RHOU: variants seen among roughly 807,000 people sequenced by gnomAD.
RHOU encodes the protein ras homolog family member U, also known as rho-related GTP-binding protein RhoU.
Under a neutral mutation model 12.6 loss-of-function variants are expected in RHOU, and 8 were observed. That is an observed-to-expected ratio of 0.64 (90% CI 0.37 to 1.15). The LOEUF is 1.15. Among genes scored for constraint, RHOU ranks in the 50% most tolerant of loss-of-function variants. The pLI is 0.01. For synonymous variants in RHOU, 161 were observed against 147.4 expected (o/e 1.09, Z -0.67); for missense variants, 258 against 347.0 (o/e 0.74, Z 2.04).
chr1:228,742,630 C>T (rs1202774184), intron 2 of RHOU, among the ~76,000 whole-genome samples: 1 of 152,180 alleles, frequency 6.6e-6, no homozygotes, highest in Non-Finnish European at 1.5e-5. Flanking sequence ...CACTGAGCTG[C>T]AAAAGTTTTC....
the RHOU span, among the ~76,000 whole-genome samples, chr1:228,722,150 G>T: frequency 6.6e-6 from 1 of 152,216 alleles, no homozygotes; most frequent in Non-Finnish European, 1.5e-5. Flanking sequence ...GGGGTACATG[G>T]CTAACTGTGG....
chr1:228,733,560 GC>G (rs534566197), upstream of RHOU, among the ~76,000 whole-genome samples: 1 of 152,196 alleles, frequency 6.6e-6, no homozygotes, highest in African/African-American at 2.4e-5. Flanking sequence ...GACTGCTTCA[GC>G]CCCCCAAAGT....
At chr1:228,674,594 C>T in the RHOU span, among the ~76,000 whole-genome samples, 1 of 151,948 alleles carries the variant, frequency 6.6e-6, no homozygotes, top group African/African-American at 2.4e-5. Context: ...GATCTGCTTC[C>T]CTCGGCCCCC....
chr1:228,678,315 A>G, the RHOU span, among the ~76,000 whole-genome samples: 1 of 152,190 alleles, frequency 6.6e-6, no homozygotes, highest in Non-Finnish European at 1.5e-5. Flanking sequence ...TGGTCCAAGA[A>G]CCATTTGCCT....
the RHOU span, among the ~76,000 whole-genome samples, chr1:228,729,630 T>A: frequency 6.6e-6 from 1 of 152,250 alleles, no homozygotes; most frequent in African/African-American, 2.4e-5. Flanking sequence ...AGCTACTAAA[T>A]CTGCTGTGAA....
At chr1:228,670,595 C>A in the RHOU span, among the ~76,000 whole-genome samples, 210 of 152,332 alleles carry the variant, frequency 1.4e-3, no homozygotes, top group Non-Finnish European at 2.3e-3. Flanking sequence ...TCTTCTGGAA[C>A]GTTCTATGAT....
In RHOU at chr1:228,737,151, T is replaced by A. The variant is rs563223723; in HGVS notation, c.263-522T>A. ...TTTTAATCCTCCTTTTGACCTGACA[T>A]AGAGATAAGGAGTGCCCTCATTTCT... On this transcript the variant is annotated intron_variant, in intron 1 of 2. Coordinates refer to ENST00000366691, the MANE Select transcript of RHOU (RefSeq NM_021205.6). The surrounding 1 kb of genome is among the most constrained non-coding windows in gnomAD (Gnocchi z 4.1). 5.3e-5 allele frequency among the ~76,000 whole-genome samples: 8 copies of A among 152,046 alleles called. No individual in the cohort carries two copies. Among genetic ancestry groups the A allele is most frequent in the Admixed American group, 6.5e-5 (1 of 15,278 alleles).
chr1:228,651,262 C>T, the RHOU span: 223 of 195,270 alleles, frequency 1.1e-3, no homozygotes, highest in African/African-American at 5.2e-3. Flanking sequence ...AGACATTTAG[C>T]CCTGACTTGA....
the RHOU span, among the ~76,000 whole-genome samples, chr1:228,708,127 G>A: frequency 2.0e-5 from 3 of 152,114 alleles, no homozygotes; most frequent in East Asian, 1.9e-4. Flanking sequence ...AAAAAGAAAC[G>A]AGCAAAGCGT....
the RHOU span, among the ~76,000 whole-genome samples, chr1:228,647,063 G>A: frequency 6.6e-6 from 1 of 152,180 alleles, no homozygotes; most frequent in African/African-American, 2.4e-5. Context: ...GAGCGAGAAC[G>A]TTTGAGCCTT....
the RHOU span, among the ~76,000 whole-genome samples, chr1:228,706,633 A>T: frequency 4.6e-5 from 7 of 152,298 alleles, no homozygotes; most frequent in Admixed American, 2.0e-4. Flanking sequence ...CTTTAGGCTG[A>T]ACTTAATTTT....
At chr1:228,733,236 T>C (rs985538703), upstream of RHOU, among the ~76,000 whole-genome samples, 2 of 152,258 alleles carry the variant, frequency 1.3e-5, no homozygotes, top group Admixed American at 6.5e-5. Context: ...GGTACATTTC[T>C]GACAGCAGAC....
chr1:228,683,649 A>G, the RHOU span, among the ~76,000 whole-genome samples: 1 of 152,266 alleles, frequency 6.6e-6, no homozygotes, highest in Non-Finnish European at 1.5e-5. Context: ...AAAAATTTCT[A>G]TAACAAGGAC....
At chr1:228,687,870 G>C in the RHOU span, 1 of 967,040 alleles carries the variant, frequency 1.0e-6, no homozygotes, top group East Asian at 2.4e-5. Context: ...TGACTTCCCT[G>C]GTCACCAAGA....
the RHOU span, among the ~76,000 whole-genome samples, chr1:228,667,261 A>C: frequency 7.2e-5 from 11 of 152,228 alleles, no homozygotes. Flanking sequence ...TAAATAACAG[A>C]AGACATAAAA....
At chr1:228,651,866 G>C in the RHOU span, among the ~76,000 whole-genome samples, 28 of 152,326 alleles carry the variant, frequency 1.8e-4, no homozygotes, top group African/African-American at 6.3e-4. Context: ...AGTCAGGAAA[G>C]TAACCCTACA....
At chr1:228,691,014 G>T in the RHOU span, among the ~76,000 whole-genome samples, 39 of 152,090 alleles carry the variant, frequency 2.6e-4, no homozygotes, top group Non-Finnish European at 4.6e-4. Context: ...GGGAGGAAAC[G>T]ACTTAACTCA....
Position 228,738,878 on chromosome 1 carries a change from A to T in RHOU, c.321+1147A>T, listed in dbSNP as rs960111235. On this transcript the variant is annotated intron_variant, in intron 2 of 2. Coordinates refer to ENST00000366691, the MANE Select transcript of RHOU (RefSeq NM_021205.6). The surrounding 1 kb of genome is among the most constrained non-coding windows in gnomAD (Gnocchi z 4.2). ...GGTGTGGTGGCTCATGCTCTTTGGGAGGCTGAGGTGGGAGGATTGCATGAG... is the reference window on the plus strand; with the variant it reads ...GGTGTGGTGGCTCATGCTCTTTGGGTGGCTGAGGTGGGAGGATTGCATGAG... Among the ~76,000 whole-genome samples, 1 of 151,966 alleles carries T rather than the reference A, an allele frequency of 6.6e-6. No individual in the cohort carries two copies. Among genetic ancestry groups the T allele is most frequent in the African/African-American group, 2.4e-5 (1 of 41,378 alleles).
Position 228,745,608 on chromosome 1 carries a change from TCG to T in RHOU, c.*1869_*1870del, listed in dbSNP as rs1662815979. On this transcript the variant is annotated 3_prime_UTR_variant, in exon 3 of 3. Coordinates refer to ENST00000366691, the MANE Select transcript of RHOU (RefSeq NM_021205.6). ...ATTATTCAACACATTGGAATTGATG[TCG>T]GTCATAGTTTCCTGAAGCATTTAGT... The T allele has an allele frequency of 2.6e-5, 4 of 152,356 alleles. No homozygotes were observed. The East Asian group carries it at 7.7e-4, about 29-fold the overall frequency. 9.4% of individuals were successfully genotyped at this position (152,356 alleles called of 1,614,324 possible). A position where few individuals can be genotyped will look rare whatever the true frequency, so the allele number is the denominator to read the frequency against.
Sources: allele counts gnomAD v4.1 joint callset (sites outside exome capture counted in the v4.1 genomes callset), GRCh38; gene constraint gnomAD v4.1.1; non-coding constraint Gnocchi (gnomAD v3.1); transcripts MANE v1.5; gene names NCBI Gene and HGNC (gene_info 2026-07-23, HGNC 2026-07-21).